The following FHIT variants were observed in gnomAD, a reference collection of about 807,000 sequenced individuals.
FHIT encodes the protein bis(5'-adenosyl)-triphosphatase.
In FHIT, 19 loss-of-function variants were observed where a neutral mutation model predicts 17.9. That is an observed-to-expected ratio of 1.06 (90% confidence interval 0.74 to 1.56). The LOEUF is 1.56. Among genes scored for constraint, FHIT ranks in the 40% most tolerant of loss-of-function variants. The pLI is 0.00. For missense variants in FHIT, 248 were observed against 189.2 expected (o/e 1.31, Z -1.82); for synonymous variants, 81 against 69.7 (o/e 1.16, Z -0.81).
At chr3:60,369,028 A>G (rs1700219992) in intron 5 of FHIT, among the ~76,000 whole-genome samples, 1 of 151,922 alleles carries the variant, frequency 6.6e-6, no homozygotes. Context: ...GCTGGAGGGC[A>G]GTGGCATGTT....
At chr3:60,158,580 G>A (rs1374745496) in intron 5 of FHIT, among the ~76,000 whole-genome samples, 1 of 152,116 alleles carries the variant, frequency 6.6e-6, no homozygotes, top group African/African-American at 2.4e-5. Context: ...GCAAAGTGCT[G>A]GGATTACAGG....
chr3:61,133,674 A>G (rs756728766), intron 2 of FHIT, among the ~76,000 whole-genome samples: 5 of 152,182 alleles, frequency 3.3e-5, no homozygotes, highest in Non-Finnish European at 5.9e-5. Context: ...AGAGGCTCAA[A>G]GATGGAGCCC....
chr3:60,592,793 G>T (rs959710068), intron 4 of FHIT, among the ~76,000 whole-genome samples: 1 of 152,144 alleles, frequency 6.6e-6, no homozygotes, highest in Non-Finnish European at 1.5e-5. Context: ...TTCAAGAAAG[G>T]TAAGCGTCAG....
intron 4 of FHIT, among the ~76,000 whole-genome samples, chr3:60,794,765 T>C (rs1700915990): frequency 6.6e-6 from 1 of 152,238 alleles, no homozygotes; most frequent in South Asian, 2.1e-4. Context: ...TAGTTTTCTA[T>C]TCTGTGCTGT....
At chr3:61,031,171 A>G (rs1041402440) in intron 3 of FHIT, among the ~76,000 whole-genome samples, 1 of 152,260 alleles carries the variant, frequency 6.6e-6, no homozygotes, top group African/African-American at 2.4e-5. Flanking sequence ...ATGTAGAAAG[A>G]TACTATCTGC....
intron 3 of FHIT, among the ~76,000 whole-genome samples, chr3:60,965,952 A>G (rs1255678033): frequency 6.6e-6 from 1 of 151,712 alleles, no homozygotes; most frequent in South Asian, 2.1e-4. Flanking sequence ...GAGAACCACT[A>G]CTCTCTTCAA....
chr3:61,023,605 A>G (rs758589233), intron 3 of FHIT, among the ~76,000 whole-genome samples: 4 of 152,242 alleles, frequency 2.6e-5, no homozygotes, highest in Non-Finnish European at 4.4e-5. Context: ...ACGATACTAC[A>G]AGATTACAGT....
In FHIT at chr3:61,244,321, C is replaced by T. The variant is rs371386377; in HGVS notation, c.-213+6980G>A. On this transcript the variant is annotated intron_variant, in intron 1 of 9. Coordinates refer to ENST00000492590, the MANE Select transcript of FHIT (RefSeq NM_002012.4). ...AAGCAATCCAAACAAATTAAAATTA[C>T]ATAATGAAGGAATAAACTTACATTA... Among the ~76,000 whole-genome samples, 17 of 152,254 alleles carry T rather than the reference C, an allele frequency of 1.1e-4. No homozygotes were observed. The East Asian group carries it at 1.5e-3, about 14-fold the overall frequency.
chr3:61,103,678 T>C lies in FHIT; in HGVS notation c.-163-61579A>G, dbSNP rs1370410546. Reference sequence around the variant, plus strand: ...GTGTTAAAGTCTCCCAGTCTTATTGTGTGGGAGTCTATGTCTCTTTGTAGG... The same window carrying C: ...GTGTTAAAGTCTCCCAGTCTTATTGCGTGGGAGTCTATGTCTCTTTGTAGG... On this transcript the variant is annotated intron_variant, in intron 2 of 9. Transcript: ENST00000492590. 3.9e-5 allele frequency among the ~76,000 whole-genome samples: 6 copies of C among 152,316 alleles called. No homozygotes were observed. In the East Asian group the frequency reaches 7.7e-4, roughly 20 times the overall value.
chr3:60,110,331 T>C (rs1704616979), intron 5 of FHIT, among the ~76,000 whole-genome samples: 1 of 152,182 alleles, frequency 6.6e-6, no homozygotes, highest in Non-Finnish European at 1.5e-5. Flanking sequence ...TTTCACCATC[T>C]TGAAAATTTC....
intron 7 of FHIT, among the ~76,000 whole-genome samples, chr3:59,978,701 T>G (rs1232619297): frequency 6.7e-6 from 1 of 149,526 alleles, no homozygotes; most frequent in Admixed American, 6.6e-5. Flanking sequence ...GCCTATCCAA[T>G]AGTTTTTCAG....
At chr3:60,982,418 T>C (rs972223166) in intron 3 of FHIT, among the ~76,000 whole-genome samples, 4 of 152,364 alleles carry the variant, frequency 2.6e-5, no homozygotes, top group African/African-American at 4.8e-5. Flanking sequence ...TCTCACTGGA[T>C]TATTAGAAAT....
chr3:60,303,452 T>C (rs1201096481), intron 5 of FHIT, among the ~76,000 whole-genome samples: 14 of 152,146 alleles, frequency 9.2e-5, no homozygotes, highest in Admixed American at 9.2e-4. Flanking sequence ...ATCAGCAACA[T>C]TTACCAGTAT....
chr3:60,175,124 G>C (rs1701610584), intron 5 of FHIT, among the ~76,000 whole-genome samples: 1 of 152,078 alleles, frequency 6.6e-6, no homozygotes, highest in Non-Finnish European at 1.5e-5. Context: ...CCTATCCACA[G>C]AGCCCAGCAG....
At chr3:60,391,539 G>A (rs764051678) in intron 5 of FHIT, among the ~76,000 whole-genome samples, 3 of 152,138 alleles carry the variant, frequency 2.0e-5, no homozygotes, top group Non-Finnish European at 4.4e-5. Context: ...TCCATGGTAA[G>A]TGCCCTGTAC....
chr3:60,029,928 T>TGTGTGA (rs56924673), intron 5 of FHIT, among the ~76,000 whole-genome samples: 21 of 150,926 alleles, frequency 1.4e-4, no homozygotes, highest in African/African-American at 4.7e-4. Context: ...TGTGTGTGTG[T>TGTGTGA]ACAAATGTGA....
At chr3:59,852,788 T>A (rs2106799641) in intron 8 of FHIT, among the ~76,000 whole-genome samples, 1 of 152,308 alleles carries the variant, frequency 6.6e-6, no homozygotes, top group South Asian at 2.1e-4. Flanking sequence ...TGCAGCCTCT[T>A]TAGGTAGGCT....
chr3:60,197,546 G>C (rs574548419), intron 5 of FHIT, among the ~76,000 whole-genome samples: 2 of 152,030 alleles, frequency 1.3e-5, no homozygotes, highest in Non-Finnish European at 2.9e-5. Flanking sequence ...TTAGCATAAA[G>C]GTATTACAAA....
chr3:59,758,763 T>A (rs1169811876), intron 8 of FHIT, among the ~76,000 whole-genome samples: 1 of 152,144 alleles, frequency 6.6e-6, no homozygotes, highest in Admixed American at 6.6e-5. Context: ...GAATCAATTT[T>A]AAAAATATAT....
Sources: gnomAD v4.1 joint callset for allele counts (sites outside exome capture counted in the v4.1 genomes callset) on GRCh38, gnomAD v4.1.1 for gene constraint, MANE v1.5 for transcripts, NCBI Gene and HGNC (gene_info 2026-07-23, HGNC 2026-07-21) for gene names.